NRXN3: variants seen among roughly 807,000 people sequenced by gnomAD.
NRXN3 encodes neurexin 3.
In NRXN3, 32 loss-of-function variants were observed where a neutral mutation model predicts 137.6. The ratio of observed to expected loss-of-function variants is 0.23; its 90% CI spans 0.18 to 0.31. The LOEUF (loss-of-function observed/expected upper bound fraction) is 0.31. NRXN3 is among the 10% of genes least tolerant of loss of function. The pLI, the probability that NRXN3 is intolerant of heterozygous loss-of-function variation, is 1.00. For synonymous variants in NRXN3, 798 were observed against 784.5 expected, an observed-to-expected ratio of 1.02 and a Z score of -0.29; for missense variants, 1,574 against 2,062.5, an observed-to-expected ratio of 0.76 and a Z score of 4.59.
chr14:78,446,782 A>T (rs2094431316), intron 4 of NRXN3, among the ~76,000 whole-genome samples: 1 of 152,138 alleles, frequency 6.6e-6, no homozygotes. Context: ...GCCTCAACCT[A>T]AGTTGGGGCT....
At chr14:78,822,982 C>G (rs2098955429) in intron 10 of NRXN3, among the ~76,000 whole-genome samples, 1 of 152,100 alleles carries the variant, frequency 6.6e-6, no homozygotes, top group East Asian at 1.9e-4. Flanking sequence ...CTTCCAGAGT[C>G]AAGCTCCCTC....
intron 4 of NRXN3, among the ~76,000 whole-genome samples, chr14:78,562,165 G>A (rs974436307): frequency 1.3e-5 from 2 of 151,994 alleles, no homozygotes; most frequent in African/African-American, 2.4e-5. Context: ...TTGGGAGGCC[G>A]AGGTGGGTGG....
intron 15 of NRXN3, among the ~76,000 whole-genome samples, chr14:79,456,889 C>G (rs980238772): frequency 6.6e-6 from 1 of 151,894 alleles, no homozygotes; most frequent in Non-Finnish European, 1.5e-5. Context: ...GTGGCCAGAT[C>G]TAAATTCAAC....
intron 15 of NRXN3, among the ~76,000 whole-genome samples, chr14:79,177,541 C>A (rs75658932): frequency 0.036 from 5,417 of 152,204 alleles, 240 homozygotes; most frequent in East Asian, 0.21. Flanking sequence ...AATGTGGAAA[C>A]AAATAACTTC....
At chr14:79,521,579 GA>G (rs966100020) in intron 16 of NRXN3, among the ~76,000 whole-genome samples, 24 of 152,026 alleles carry the variant, frequency 1.6e-4, no homozygotes, top group South Asian at 2.1e-4. Flanking sequence ...ATTTAATACA[GA>G]AAAAAACATG....
At chr14:78,453,829 T>G (rs192034192) in intron 4 of NRXN3, among the ~76,000 whole-genome samples, 1 of 152,234 alleles carries the variant, frequency 6.6e-6, no homozygotes, top group East Asian at 1.9e-4. Flanking sequence ...GTGATACATC[T>G]ACAAGCCAAA....
At chr14:79,470,963 T>A (rs777819383) in intron 16 of NRXN3, among the ~76,000 whole-genome samples, 1,910 of 138,958 alleles carry the variant, frequency 0.014, 13 homozygotes, top group South Asian at 0.049. Flanking sequence ...TGTGTGTGTG[T>A]GTGTGTGTGT....
intron 1 of NRXN3, among the ~76,000 whole-genome samples, chr14:78,240,143 G>T (rs866239850): frequency 6.6e-6 from 1 of 152,172 alleles, no homozygotes; most frequent in African/African-American, 2.4e-5. Flanking sequence ...AATTTTAGCA[G>T]TTGGCTCTCA....
intron 17 of NRXN3, among the ~76,000 whole-genome samples, chr14:79,686,995 G>A (rs1408300529): frequency 6.6e-6 from 1 of 152,114 alleles, no homozygotes; most frequent in African/African-American, 2.4e-5. Flanking sequence ...TTGTGCTCTG[G>A]GTCTATTAAT....
intron 6 of NRXN3, among the ~76,000 whole-genome samples, chr14:78,670,311 C>T (rs2152711049): frequency 6.6e-6 from 1 of 152,280 alleles, no homozygotes; most frequent in Non-Finnish European, 1.5e-5. Context: ...AATAGTGCCG[C>T]AATAAACATA....
intron 15 of NRXN3, among the ~76,000 whole-genome samples, chr14:79,425,240 G>T (rs1444893716): frequency 1.3e-5 from 2 of 152,120 alleles, no homozygotes; most frequent in East Asian, 3.8e-4. Context: ...TACTTCTTAG[G>T]GTTGTCAAGA....
At chr14:79,567,096 T>C (rs2097557779) in intron 16 of NRXN3, among the ~76,000 whole-genome samples, 1 of 152,134 alleles carries the variant, frequency 6.6e-6, no homozygotes, top group Non-Finnish European at 1.5e-5. Flanking sequence ...ATCTGCTCTC[T>C]TTGCAGTTCA....
intron 15 of NRXN3, among the ~76,000 whole-genome samples, chr14:79,372,263 T>G (rs565973536): frequency 6.6e-6 from 1 of 152,296 alleles, no homozygotes; most frequent in East Asian, 1.9e-4. Context: ...GGAAGTCTTC[T>G]AAAGCATTCG....
At chr14:78,983,693 C>T (rs1183180634) in intron 14 of NRXN3, among the ~76,000 whole-genome samples, 1 of 151,564 alleles carries the variant, frequency 6.6e-6, no homozygotes, top group African/African-American at 2.4e-5. Flanking sequence ...CCTATCTCTA[C>T]TAAAAATACA....
chr14:78,300,305 G>A (rs1230788893), intron 4 of NRXN3, among the ~76,000 whole-genome samples: 1 of 152,336 alleles, frequency 6.6e-6, no homozygotes. Flanking sequence ...TTTAGATTAA[G>A]TGCATGCAAT....
At chr14:78,271,080 G>A (rs951061903) in intron 2 of NRXN3, among the ~76,000 whole-genome samples, 1 of 152,154 alleles carries the variant, frequency 6.6e-6, no homozygotes, top group African/African-American at 2.4e-5. Flanking sequence ...ACTTTACAAT[G>A]ATTCATAAGC....
At chr14:79,141,873 G>C (rs572429000) in intron 15 of NRXN3, among the ~76,000 whole-genome samples, 2 of 152,056 alleles carry the variant, frequency 1.3e-5, no homozygotes, top group Admixed American at 1.3e-4. Flanking sequence ...GTATATATTC[G>C]GTATATTCCA....
chr14:79,022,908 G>A (rs1476973255), intron 15 of NRXN3, among the ~76,000 whole-genome samples: 3 of 152,138 alleles, frequency 2.0e-5, no homozygotes, highest in Non-Finnish European at 4.4e-5. Flanking sequence ...AGCAGGCAAA[G>A]GCCTTTTGAG....
At chr14:78,232,838 G>A (rs2153439680) in intron 1 of NRXN3, among the ~76,000 whole-genome samples, 1 of 152,324 alleles carries the variant, frequency 6.6e-6, no homozygotes, top group South Asian at 2.1e-4. Context: ...TCCAGGCTGG[G>A]GAGGCCCACT....
Sources: gnomAD v4.1 joint callset for allele counts (sites outside exome capture counted in the v4.1 genomes callset) on GRCh38, gnomAD v4.1.1 for gene constraint, MANE v1.5 for transcripts, NCBI Gene and HGNC (gene_info 2026-07-23, HGNC 2026-07-21) for gene names.